The following PPP2R1B variants were observed in gnomAD, a reference collection of about 807,000 sequenced individuals.
PPP2R1B encodes the protein serine/threonine-protein phosphatase 2A 65 kDa regulatory subunit A beta isoform.
PPP2R1B carries 58 observed loss-of-function variants against 72.7 expected under a neutral mutation model. The observed-to-expected ratio is 0.80, with a 90% CI of 0.65 to 0.99. PPP2R1B has a LOEUF of 0.99. Among genes scored for constraint, PPP2R1B ranks in the 50% least tolerant of loss-of-function variants. The pLI, the probability that PPP2R1B is intolerant of heterozygous loss-of-function variation, is 0.00. For synonymous variants in PPP2R1B, 256 were observed against 264.6 expected (o/e 0.97, Z 0.32); for missense variants, 695 against 733.6 (o/e 0.95, Z 0.61).
intron 12 of PPP2R1B, 77 bp downstream of exon 12, chr11:111,743,299 A>G: frequency 1.5e-6 from 2 of 1,368,854 alleles, no homozygotes; most frequent in Non-Finnish European, 2.0e-6. Flanking sequence ...AAGACAGTAT[A>G]CTGATAATTC....
chr11:111,766,333 C>A lies in PPP2R1B; in HGVS notation c.29G>T (p.Gly10Val). 1.3e-6 allele frequency: 2 copies of A among 1,594,308 alleles called. No homozygotes were observed. Among genetic ancestry groups the A allele is most frequent in the Non-Finnish European group, 8.5e-7 (1 of 1,171,928 alleles). MAGASELGTGPGAAGGDGDD... is the reference protein window; with the variant it reads MAGASELGTVPGAAGGDGDD... The stretch of plus-strand genomic sequence containing the variant: ...TCCATCTCCACCCGCTGCTCCTGGG[C>A]CGGTCCCGAGCTCTGATGCGCCCGC... The change falls in exon 1 of 15, where the codon GGC becomes GTC. Residue 10 changes from glycine (G) to valine (V), a missense_variant. Gly to Val is a moderately radical substitution (Grantham distance 109). Coordinates refer to ENST00000527614, the MANE Select transcript of PPP2R1B (RefSeq NM_002716.5).
downstream of PPP2R1B, chr11:111,737,743 C>T (rs553225435): frequency 6.2e-5 from 83 of 1,339,084 alleles, no homozygotes; most frequent in African/African-American, 8.4e-4. Flanking sequence ...AGCCCAGGGT[C>T]GTGCTGAGGT....
chr11:111,712,721 G>A, the PPP2R1B span, among the ~76,000 whole-genome samples: 1 of 152,080 alleles, frequency 6.6e-6, no homozygotes, highest in Non-Finnish European at 1.5e-5. Flanking sequence ...AATTAATGCT[G>A]AAAACAAAAA....
chr11:111,764,364 C>T (rs1257933483), intron 3 of PPP2R1B, among the ~76,000 whole-genome samples: 1 of 152,028 alleles, frequency 6.6e-6, no homozygotes, highest in Non-Finnish European at 1.5e-5. Flanking sequence ...TCTTCTTCAA[C>T]ATTAACATTG....
At chr11:111,726,892 A>C (rs1452195561), downstream of PPP2R1B, 2 of 1,445,382 alleles carry the variant, frequency 1.4e-6, no homozygotes, top group Non-Finnish European at 1.9e-6. Flanking sequence ...ACGTGAGGTA[A>C]AAATTTCGTT....
intron 3 of PPP2R1B, among the ~76,000 whole-genome samples, chr11:111,762,994 G>C (rs1483886530): frequency 4.6e-5 from 7 of 152,188 alleles, no homozygotes; most frequent in African/African-American, 1.7e-4. Flanking sequence ...CATTCTAATG[G>C]AGTAAGACAA....
At chr11:111,765,531 A>G in intron 1 of PPP2R1B, 147 bp from the exon 2 acceptor site, 1 of 694,774 alleles carries the variant, frequency 1.4e-6, no homozygotes, top group Non-Finnish European at 2.4e-6. Flanking sequence ...AAGGAAGCTC[A>G]TAAGGACTTC....
At chr11:111,688,574 G>A in the PPP2R1B span, among the ~76,000 whole-genome samples, 1,524 of 152,274 alleles carry the variant, frequency 0.01, 25 homozygotes, top group African/African-American at 0.034. This position sits in a 1 kb window ranked among gnomAD's most constrained non-coding sequence, Gnocchi z 4.2. Context: ...AAGTGATGGA[G>A]GTAGAATGAG....
At chr11:111,702,715 G>A in the PPP2R1B span, among the ~76,000 whole-genome samples, 3 of 152,286 alleles carry the variant, frequency 2.0e-5, no homozygotes, top group East Asian at 1.9e-4. Flanking sequence ...GCAGCAGTGC[G>A]GTTTTCTTGG....
At chr11:111,755,166 A>T in intron 6 of PPP2R1B, 72 bp from the exon 7 acceptor site, 1 of 1,536,106 alleles carries the variant, frequency 6.5e-7, no homozygotes, top group Non-Finnish European at 8.9e-7. Flanking sequence ...AAAATTGTGC[A>T]ATCTGTAAAT....
intron 13 of PPP2R1B, 60 bp from the exon 14 acceptor site, chr11:111,742,204 G>T: frequency 7.9e-7 from 1 of 1,263,890 alleles, no homozygotes; most frequent in South Asian, 1.3e-5. Flanking sequence ...AATCCTTTTT[G>T]GTGTATATGG....
chr11:111,717,317 CAAAAAAAAAAAA>C, the PPP2R1B span, among the ~76,000 whole-genome samples: 141 of 49,466 alleles, frequency 2.9e-3, no homozygotes, highest in South Asian at 5.4e-3. Flanking sequence ...GACTCCGTCT[CAAAAAAAAAAAA>C]AAAAAAAAAA....
At chr11:111,704,628 C>G in the PPP2R1B span, among the ~76,000 whole-genome samples, 1 of 152,140 alleles carries the variant, frequency 6.6e-6, no homozygotes, top group Non-Finnish European at 1.5e-5. Context: ...GCTCAGGTTG[C>G]TAACTGACCT....
chr11:111,699,060 G>C, the PPP2R1B span, among the ~76,000 whole-genome samples: 1 of 152,198 alleles, frequency 6.6e-6, no homozygotes, highest in Non-Finnish European at 1.5e-5. Flanking sequence ...GAGATATGAT[G>C]TTCTAGGAGT....
chr11:111,706,959 CA>C, the PPP2R1B span, among the ~76,000 whole-genome samples: 290 of 52,114 alleles, frequency 5.6e-3, no homozygotes, highest in African/African-American at 0.01. Flanking sequence ...GACTCCGTCT[CA>C]AAAAAAAAAA....
At chr11:111,696,896 A>T in the PPP2R1B span, among the ~76,000 whole-genome samples, 1 of 151,926 alleles carries the variant, frequency 6.6e-6, no homozygotes, top group African/African-American at 2.4e-5. Flanking sequence ...TTCCCCCCCT[A>T]CTCACCTCCC....
At chr11:111,745,485 G>C (rs981635959) in intron 11 of PPP2R1B, among the ~76,000 whole-genome samples, 2 of 152,146 alleles carry the variant, frequency 1.3e-5, no homozygotes, top group African/African-American at 4.8e-5. Flanking sequence ...TAACTGCACT[G>C]AACTCTACTT....
chr11:111,712,970 C>T, the PPP2R1B span, among the ~76,000 whole-genome samples: 6 of 152,054 alleles, frequency 3.9e-5, no homozygotes. Context: ...TTCCAGACCA[C>T]CTTGGGCAAC....
the PPP2R1B span, among the ~76,000 whole-genome samples, chr11:111,713,981 T>C: frequency 6.6e-6 from 1 of 151,700 alleles, no homozygotes; most frequent in East Asian, 1.9e-4. Flanking sequence ...AAAAAATAAA[T>C]AAAATATGAT....
Sources: gnomAD v4.1 joint callset for allele counts (sites outside exome capture counted in the v4.1 genomes callset) on GRCh38, gnomAD v4.1.1 for gene constraint, Gnocchi (gnomAD v3.1) non-coding constraint, MANE v1.5 for transcripts, NCBI Gene and HGNC (gene_info 2026-07-23, HGNC 2026-07-21) for gene names.